PNKD: variants seen among roughly 807,000 people sequenced by gnomAD.
PNKD encodes PNKD metallo-beta-lactamase domain containing.
A neutral mutation model predicts 45.3 loss-of-function variants in PNKD; 36 were observed. The observed-to-expected ratio is 0.80, with a 90% CI of 0.61 to 1.05. The LOEUF (loss-of-function observed/expected upper bound fraction) is 1.05. Ranked by LOEUF, PNKD falls within the 50% of genes least tolerant of loss-of-function variation. The pLI is 0.00. For missense variants in PNKD, 511 were observed against 506.6 expected (o/e 1.01, Z -0.08); for synonymous variants, 197 against 210.1 (o/e 0.94, Z 0.54).
At chr2:218,325,635 T>C (rs1198637867) in intron 2 of PNKD, among the ~76,000 whole-genome samples, 1 of 152,170 alleles carries the variant, frequency 6.6e-6, no homozygotes, top group Non-Finnish European at 1.5e-5. Context: ...GTCATACAAA[T>C]GGCCTGAGGA....
intron 2 of PNKD, chr2:218,278,396 C>G: frequency 9.5e-7 from 1 of 1,050,404 alleles, no homozygotes; most frequent in Non-Finnish European, 1.5e-6. Context: ...CGTCATCCTC[C>G]TCCTCATTTC....
intron 2 of PNKD, among the ~76,000 whole-genome samples, chr2:218,325,244 C>G (rs1387966561): frequency 9.0e-6 from 1 of 110,788 alleles, no homozygotes; most frequent in Non-Finnish European, 1.7e-5. Flanking sequence ...TTGCTCTGTT[C>G]CCTAGGCTGG....
At chr2:218,333,629 A>T (rs1262932380) in intron 2 of PNKD, among the ~76,000 whole-genome samples, 1 of 152,062 alleles carries the variant, frequency 6.6e-6, no homozygotes, top group Non-Finnish European at 1.5e-5. Flanking sequence ...TGTGAAACTC[A>T]TGACTTGCCC....
chr2:218,342,100 C>T lies in PNKD; in HGVS notation c.737C>T (p.Pro246Leu), dbSNP rs2106295635. The T allele has an allele frequency of 1.2e-6, 2 of 1,613,830 alleles. No homozygotes were observed. The highest frequency in any genetic ancestry group is 1.7e-6 in the Non-Finnish European group (2 of 1,179,818). ...CTGGATGGGGAGCCCTACAAGGGTC[C>T]CTCCTGCCTCTTCTCAGGGGACCTG... Reference protein sequence around the residue: ...YLLDGEPYKGPSCLFSGDLLF... With the variant: ...YLLDGEPYKGLSCLFSGDLLF... The change falls in exon 7 of 10, where the codon CCC (proline) becomes CTC (leucine). Residue 246 changes from proline (P) to leucine (L), a missense_variant. Coordinates refer to ENST00000273077, the MANE Select transcript of PNKD (RefSeq NM_015488.5).
intron 2 of PNKD, among the ~76,000 whole-genome samples, chr2:218,273,883 G>C (rs1690973062): frequency 6.6e-6 from 1 of 152,126 alleles, no homozygotes; most frequent in Non-Finnish European, 1.5e-5. Context: ...AAAACTGTAG[G>C]TATACATACA....
intron 2 of PNKD, chr2:218,323,538 G>T (rs1035060821): frequency 4.4e-6 from 5 of 1,126,184 alleles, no homozygotes; most frequent in Non-Finnish European, 6.0e-6. Flanking sequence ...GGTTAGGAAG[G>T]GGCTTGGTCT....
intron 2 of PNKD, among the ~76,000 whole-genome samples, chr2:218,288,314 A>G (rs1309895066): frequency 1.3e-5 from 2 of 152,220 alleles, no homozygotes; most frequent in Non-Finnish European, 2.9e-5. Context: ...CTGTAGTCCC[A>G]GCTACTCGGG....
rs529251022 is a variant in PNKD at position 218,302,698 on chromosome 2, T to A, written c.236+31149T>A. On this transcript the variant is annotated intron_variant, in intron 2 of 9. Coordinates refer to ENST00000273077, the MANE Select transcript of PNKD (RefSeq NM_015488.5). ...AAGATATCAATGAAAACATTCAAACTCTGTAAAATATTTGAAGAAATTTAT... is the reference window on the plus strand; with the variant it reads ...AAGATATCAATGAAAACATTCAAACACTGTAAAATATTTGAAGAAATTTAT... 7.2e-5 allele frequency among the ~76,000 whole-genome samples: 11 copies of A among 152,206 alleles called. No individual in the cohort carries two copies. In the South Asian group the frequency reaches 2.3e-3, roughly 32 times the overall value.
chr2:218,323,145 C>T, intron 2 of PNKD: 2 of 1,310,084 alleles, frequency 1.5e-6, no homozygotes, highest in Non-Finnish European at 1.9e-6. Flanking sequence ...GGTCAATGGG[C>T]GGGGCGGGGC....
intron 2 of PNKD, among the ~76,000 whole-genome samples, chr2:218,316,198 G>A (rs775182064): frequency 2.6e-5 from 4 of 151,868 alleles, no homozygotes; most frequent in Admixed American, 6.6e-5. Flanking sequence ...AAACTAGATT[G>A]TGTTGAGATA....
intron 9 of PNKD, 73 bp downstream of exon 9, chr2:218,344,643 C>T: frequency 2.1e-6 from 3 of 1,439,404 alleles, no homozygotes; most frequent in Non-Finnish European, 2.9e-6. Context: ...TCCATGCTGA[C>T]CCCAGGCCTG....
At chr2:218,341,396 G>A in intron 5 of PNKD, 138 bp from the exon 6 acceptor site, 1 of 621,424 alleles carries the variant, frequency 1.6e-6, no homozygotes, top group Non-Finnish European at 2.9e-6. Context: ...TTGAACAAAG[G>A]CCTAGAGGTG....
chr2:218,270,560 G>T lies in PNKD; in HGVS notation c.25G>T (p.Ala9Ser). 8.2e-6 allele frequency: 10 copies of T among 1,225,546 alleles called. No individual in the cohort carries two copies. In the South Asian group the frequency reaches 2.4e-4, roughly 30 times the overall value. The allele number at this position is 1,225,546 out of a possible 1,614,324, so 75.9% of individuals were successfully genotyped here. Residue 9 changes from alanine to serine, a missense_variant, in exon 1 of 10, where the codon GCG (alanine) becomes TCG (serine). Physicochemically the swap from Ala to Ser is moderately conservative, Grantham distance 99 (BLOSUM62 1). Coordinates refer to ENST00000273077, the MANE Select transcript of PNKD (RefSeq NM_015488.5). ...CATGGCGGCGGTGGTAGCTGCTACG[G>T]CGCTGAAGGGCCGGGGGGCGAGAAA... MAAVVAATALKGRGARNAR... is the reference protein window; with the variant it reads MAAVVAATSLKGRGARNAR...
At position 218,342,137 on chromosome 2, in the gene PNKD, T is replaced by C. The variant is rs1376801700; in HGVS notation, c.774T>C (p.Ser258=). Residue 258 remains serine (S), a synonymous_variant, in exon 7 of 10, where the codon TCT becomes TCC. Transcript: ENST00000273077. ...CLFSGDLLFL[S]GCGRTFEGNA... ...TCTCAGGGGACCTGCTCTTCCTCTC[T>C]GGCTGTGGTGAGTTTCCCCGAAAGA... is the stretch of plus-strand genomic sequence containing the variant. The C allele has an allele frequency of 3.7e-6, 6 of 1,612,816 alleles. No homozygotes were observed. The highest frequency in any genetic ancestry group is 5.1e-6 in the Non-Finnish European group (6 of 1,179,788).
chr2:218,296,808 G>A (rs1693150299), intron 2 of PNKD, among the ~76,000 whole-genome samples: 1 of 151,958 alleles, frequency 6.6e-6, no homozygotes, highest in Non-Finnish European at 1.5e-5. Context: ...CTCCTGAGTA[G>A]CTGAGATTAC....
At position 218,345,963 on chromosome 2, in the gene PNKD, C is replaced by T. The variant is rs140903787; in HGVS notation, c.*982C>T. 5 of 152,522 alleles carry T rather than the reference C, an allele frequency of 3.3e-5. No individual in the cohort carries two copies. The East Asian group carries it at 7.5e-4, about 23-fold the overall frequency. The allele number at this position is 152,522 out of a possible 1,614,324, so 9.4% of individuals were successfully genotyped here. ...TAAAGATTTATTCTGTAACCTGACA[C>T]TCATCTGGCCCTTTGCAGTTTGCCA... is the stretch of plus-strand genomic sequence containing the variant. On this transcript the variant is annotated 3_prime_UTR_variant, in exon 10 of 10. Transcript: ENST00000273077.
chr2:218,344,883 C>A lies in PNKD; in HGVS notation c.1060C>A (p.Leu354Met), dbSNP rs1694786144. ...CCACTGCCTGGCGCTACAGGAGGCT[C>A]TGGGGCCGGGGCCGGGCCCCACTGG... is the stretch of plus-strand genomic sequence containing the variant. ...RTHCLALQEALGPGPGPTGDD... is the reference protein window; with the variant it reads ...RTHCLALQEAMGPGPGPTGDD... The change falls in exon 10 of 10, where the codon CTG becomes ATG. Residue 354 changes from leucine to methionine, a missense_variant. Coordinates refer to ENST00000273077, the MANE Select transcript of PNKD (RefSeq NM_015488.5). 3 of 1,613,962 alleles carry A rather than the reference C, an allele frequency of 1.9e-6. No homozygotes were observed. Among genetic ancestry groups the A allele is most frequent in the African/African-American group, 1.3e-5 (1 of 75,068 alleles).
At chr2:218,307,658 G>A (rs1286119213) in intron 2 of PNKD, among the ~76,000 whole-genome samples, 1 of 152,144 alleles carries the variant, frequency 6.6e-6, no homozygotes, top group Non-Finnish European at 1.5e-5. Context: ...ACCAGTATAG[G>A]GTTGGAGGGA....
Position 218,340,056 on chromosome 2 carries a change from T to A in PNKD, c.380T>A (p.Leu127His). The change falls in exon 4 of 10, where the codon CTC (leucine) becomes CAC (histidine). Residue 127 changes from leucine to histidine, a missense_variant. Leu to His is a moderately conservative substitution (Grantham distance 99). Transcript: ENST00000273077. The surrounding 1 kb of genome is among the most constrained non-coding windows in gnomAD (Gnocchi z 4.2). Reference protein sequence around the residue: ...NGVKVLPIPVLSDNYSYLIID... With the variant: ...NGVKVLPIPVHSDNYSYLIID... The stretch of plus-strand genomic sequence containing the variant: ...GTGAAGGTGCTTCCCATCCCTGTCC[T>A]CTCGGACAACTACAGCTACCTCATC... The A allele has an allele frequency of 6.2e-7, 1 of 1,612,408 alleles. No homozygotes were observed. Among genetic ancestry groups the A allele is most frequent in the East Asian group, 2.2e-5 (1 of 44,852 alleles).
Sources: allele counts gnomAD v4.1 joint callset (sites outside exome capture counted in the v4.1 genomes callset), GRCh38; gene constraint gnomAD v4.1.1; non-coding constraint Gnocchi (gnomAD v3.1); transcripts MANE v1.5; gene names NCBI Gene and HGNC (gene_info 2026-07-23, HGNC 2026-07-21).